The following FOXC1 variants were observed in gnomAD, a reference collection of about 807,000 sequenced individuals.
FOXC1 encodes forkhead box C1, also known as forkhead box protein C1.
Under a neutral mutation model 8.1 loss-of-function variants are expected in FOXC1, and 5 were observed. The observed-to-expected ratio is 0.62, with a 90% CI of 0.32 to 1.30. The LOEUF is 1.30. FOXC1 is among the 50% of genes most tolerant of loss of function. The probability of loss-of-function intolerance (pLI) is 0.05; values close to 1 mark genes in which losing one functional copy is unlikely to be tolerated. For missense variants in FOXC1, 942 were observed against 858.0 expected, an observed-to-expected ratio of 1.10 and a Z score of -1.22; for synonymous variants, 552 against 417.2, an observed-to-expected ratio of 1.32 and a Z score of -3.94.
At position 1,610,143 on chromosome 6, in the gene FOXC1, C is replaced by T. The variant is rs533266244; in HGVS notation, c.-303C>T. The T allele has an allele frequency of 8.0e-3, 1,208 of 151,818 alleles. 19 individuals are homozygous for T. The highest frequency in any genetic ancestry group is 0.028 in the African/African-American group (1,163 of 41,432). The allele number at this position is 151,818 out of a possible 1,614,324, so 9.4% of individuals were successfully genotyped here. ...TTCTTTCTTTTTGTCTGCTTTCCCCCGTTTGCGCCTGGAAGCTGCGCCGCG... is the reference window on the plus strand; with the variant it reads ...TTCTTTCTTTTTGTCTGCTTTCCCCTGTTTGCGCCTGGAAGCTGCGCCGCG... On this transcript the variant is annotated 5_prime_UTR_variant, in exon 1 of 1. Transcript: ENST00000645831.
rs1251729952 is a variant in FOXC1, at chr6:1,611,807, G to GGA, written c.1363_1364insAG (p.Gly455GlufsTer22). On this transcript the variant is annotated frameshift_variant, in exon 1 of 1. Coordinates refer to ENST00000645831, the MANE Select transcript of FOXC1 (RefSeq NM_001453.3). LOFTEE classifies it high-confidence loss of function. This position sits in a 1 kb window ranked among gnomAD's most constrained non-coding sequence, Gnocchi z 7.1. Reference sequence around the variant, plus strand: ...ACGGCGGCGGCGGCGGCGGCGGCGGGGGAGGCCAGGAGGCCGGCCACCACC... The same window carrying GGA: ...ACGGCGGCGGCGGCGGCGGCGGCGGGGAGGAGGCCAGGAGGCCGGCCACCACC... 2.3e-5 allele frequency: 31 copies of GGA among 1,367,014 alleles called. No individual in the cohort carries two copies. Among genetic ancestry groups the GGA allele is most frequent in the Non-Finnish European group, 2.9e-5 (30 of 1,036,982 alleles). The allele number at this position is 1,367,014 out of a possible 1,614,324, so 84.7% of individuals were successfully genotyped here. A position where few individuals can be genotyped will look rare whatever the true frequency, so the allele number is the denominator to read the frequency against.
At position 1,611,416 on chromosome 6, in the gene FOXC1, C is replaced by G; in HGVS notation, c.971C>G (p.Ala324Gly). The change falls in exon 1 of 1, where the codon GCG (alanine) becomes GGG (glycine). Residue 324 changes from alanine (A) to glycine (G), a missense_variant. Physicochemically the swap from Ala to Gly is moderately conservative, Grantham distance 60. Around this residue, in one of 4 missense-constraint regions of FOXC1, gnomAD observed 726 missense variants for 599.6 expected, o/e 1.21. Coordinates refer to ENST00000645831, the MANE Select transcript of FOXC1 (RefSeq NM_001453.3). The surrounding 1 kb of genome is among the most constrained non-coding windows in gnomAD (Gnocchi z 7.1). ...MTSLRGSPQSAAAELSSGLLA... is the reference protein window; with the variant it reads ...MTSLRGSPQSGAAELSSGLLA... ...TCGCTGCGGGGGTCGCCGCAGAGCG[C>G]GGCCGCGGAGCTCAGCTCCGGCCTT... 6.9e-7 allele frequency: 1 copy of G among 1,446,188 alleles called. No individual in the cohort carries two copies. The highest frequency in any genetic ancestry group is 9.1e-7 in the Non-Finnish European group (1 of 1,101,326). 89.6% of individuals were successfully genotyped at this position (1,446,188 alleles called of 1,614,324 possible).
In FOXC1 at chr6:1,611,403, T is replaced by C; in HGVS notation, c.958T>C (p.Ser320Pro). 6.9e-7 allele frequency: 1 copy of C among 1,448,202 alleles called. No homozygotes were observed. The highest frequency in any genetic ancestry group is 1.3e-5 in the South Asian group (1 of 76,618). 89.7% of individuals were successfully genotyped at this position (1,448,202 alleles called of 1,614,324 possible). A position where few individuals can be genotyped will look rare whatever the true frequency, so the allele number is the denominator to read the frequency against. ...CAACATCATGACGTCGCTGCGGGGG[T>C]CGCCGCAGAGCGCGGCCGCGGAGCT... is the stretch of plus-strand genomic sequence containing the variant. ...VDNIMTSLRG[S>P]PQSAAAELSS... is the part of the protein sequence containing the mutation. The change falls in exon 1 of 1, where the codon TCG (serine) becomes CCG (proline). Residue 320 changes from serine (S) to proline (P), a missense_variant. Coordinates refer to ENST00000645831, the MANE Select transcript of FOXC1 (RefSeq NM_001453.3). This position sits in a 1 kb window ranked among gnomAD's most constrained non-coding sequence, Gnocchi z 7.1.
Position 1,611,709 on chromosome 6 carries a change from T to G in FOXC1, c.1264T>G (p.Ser422Ala). Reference protein sequence around the residue: ...LQGAPGGAGGSAVDDPLPDYS... With the variant: ...LQGAPGGAGGAAVDDPLPDYS... ...GGGCGCGCCCGGGGGCGCGGGCGGC[T>G]CGGCCGTGGACGACCCCCTGCCCGA... The change falls in exon 1 of 1, where the codon TCG becomes GCG. Residue 422 changes from serine to alanine, a missense_variant. Around this residue, in one of 4 missense-constraint regions of FOXC1, gnomAD observed 726 missense variants for 599.6 expected, o/e 1.21. Coordinates refer to ENST00000645831, the MANE Select transcript of FOXC1 (RefSeq NM_001453.3). The surrounding 1 kb of genome is among the most constrained non-coding windows in gnomAD (Gnocchi z 7.1). 1 of 1,442,116 alleles carries G rather than the reference T, an allele frequency of 6.9e-7. No homozygotes were observed. Among genetic ancestry groups the G allele is most frequent in the South Asian group, 1.4e-5 (1 of 73,722 alleles). 89.3% of individuals were successfully genotyped at this position (1,442,116 alleles called of 1,614,324 possible). A position where few individuals can be genotyped will look rare whatever the true frequency, so the allele number is the denominator to read the frequency against.
Position 1,612,753 on chromosome 6 carries a change from A to G in FOXC1, c.*646A>G, listed in dbSNP as rs1762578236. The G allele has an allele frequency of 4.7e-6, 1 of 213,224 alleles. No individual in the cohort carries two copies. The highest frequency in any genetic ancestry group is 1.0e-5 in the Non-Finnish European group (1 of 96,346). The allele number at this position is 213,224 out of a possible 1,614,324, so 13.2% of individuals were successfully genotyped here. A position where few individuals can be genotyped will look rare whatever the true frequency, so the allele number is the denominator to read the frequency against. On this transcript the variant is annotated 3_prime_UTR_variant, in exon 1 of 1. Coordinates refer to ENST00000645831, the MANE Select transcript of FOXC1 (RefSeq NM_001453.3). ...AGGGAAACTGTATTAATCTTATTCT[A>G]TCCTCTTTTCTTTCTTTTTGTTGAA...
At position 1,611,615 on chromosome 6, in the gene FOXC1, C is replaced by T. The variant is rs908957809; in HGVS notation, c.1170C>T (p.Ala390=). The change falls in exon 1 of 1, where the codon GCC becomes GCT. Residue 390 remains alanine, a synonymous_variant. Transcript: ENST00000645831. The surrounding 1 kb of genome is among the most constrained non-coding windows in gnomAD (Gnocchi z 7.1). The stretch of plus-strand genomic sequence containing the variant: ...GGGCCGCGGGGGGCGCGGGCGGCGC[C>T]GGGACCTACCACTGCAACCTGCAAG... ...GAGAAGGAGG[A]GTYHCNLQAM... 4 of 1,227,748 alleles carry T rather than the reference C, an allele frequency of 3.3e-6. No individual in the cohort carries two copies. The highest frequency in any genetic ancestry group is 3.3e-5 in the African/African-American group (2 of 60,844). The allele number at this position is 1,227,748 out of a possible 1,614,324, so 76.1% of individuals were successfully genotyped here.
Position 1,610,988 on chromosome 6 carries a change from G to A in FOXC1, c.543G>A (p.Lys181=), listed in dbSNP as rs1402484394. Residue 181 remains lysine (K), a synonymous_variant, in exon 1 of 1, where the codon AAG becomes AAA. Coordinates refer to ENST00000645831, the MANE Select transcript of FOXC1 (RefSeq NM_001453.3). The part of the protein sequence containing the change: ...RRRFKKKDAV[K]DKEEKDRLHL... ...GCTTCAAGAAGAAGGACGCGGTGAAGGACAAGGAGGAGAAGGACAGGCTGC... is the reference window on the plus strand; with the variant it reads ...GCTTCAAGAAGAAGGACGCGGTGAAAGACAAGGAGGAGAAGGACAGGCTGC... The A allele has an allele frequency of 3.1e-6, 5 of 1,612,366 alleles. No individual in the cohort carries two copies. Among genetic ancestry groups the A allele is most frequent in the African/African-American group, 2.7e-5 (2 of 74,828 alleles).
rs1208816775 is a variant in FOXC1, at chr6:1,611,210, C to T, written c.765C>T (p.Pro255=). 6.9e-7 allele frequency: 1 copy of T among 1,459,206 alleles called. No homozygotes were observed. Among genetic ancestry groups the T allele is most frequent in the Non-Finnish European group, 9.0e-7 (1 of 1,106,058 alleles). 90.4% of individuals were successfully genotyped at this position (1,459,206 alleles called of 1,614,324 possible). The change falls in exon 1 of 1, where the codon CCC becomes CCT. Residue 255 remains proline, a synonymous_variant. Transcript: ENST00000645831. The surrounding 1 kb of genome is among the most constrained non-coding windows in gnomAD (Gnocchi z 7.1). ...GCAGCGGCAGCGCCGCCGCGGTGCC[C>T]AAGATCGAGAGCCCCGACAGCAGCA... ...ALGSGSAAAV[P]KIESPDSSSS...
rs1332189932 is a variant in FOXC1, at chr6:1,610,739, G to A, written c.294G>A (p.Lys98=). ...CCATCCAGAACGCCCCGGACAAGAA[G>A]ATCACCCTGAACGGCATCTACCAGT... ...TMAIQNAPDK[K]ITLNGIYQFI... Residue 98 remains lysine (K), a synonymous_variant, in exon 1 of 1, where the codon AAG becomes AAA. Transcript: ENST00000645831. 3.1e-6 allele frequency: 5 copies of A among 1,613,868 alleles called. No homozygotes were observed. Among genetic ancestry groups the A allele is most frequent in the Admixed American group, 1.7e-5 (1 of 60,004 alleles).
chr6:1,612,273 C>A lies in FOXC1; in HGVS notation c.*166C>A. Reference sequence around the variant, plus strand: ...TCCCTCCAAAAATTCAGCTCACCAGCACCAGCACGAAGAAAACTCTATTTT... The same window carrying A: ...TCCCTCCAAAAATTCAGCTCACCAGAACCAGCACGAAGAAAACTCTATTTT... On this transcript the variant is annotated 3_prime_UTR_variant, in exon 1 of 1. Coordinates refer to ENST00000645831, the MANE Select transcript of FOXC1 (RefSeq NM_001453.3). The A allele has an allele frequency of 1.9e-6, 2 of 1,027,344 alleles. No homozygotes were observed. Among genetic ancestry groups the A allele is most frequent in the Non-Finnish European group, 2.9e-6 (2 of 699,376 alleles). The allele number at this position is 1,027,344 out of a possible 1,614,324, so 63.6% of individuals were successfully genotyped here. A position where few individuals can be genotyped will look rare whatever the true frequency, so the allele number is the denominator to read the frequency against.
At position 1,610,940 on chromosome 6, in the gene FOXC1, C is replaced by T. The variant is rs1319939486; in HGVS notation, c.495C>T (p.Gly165=). 2 of 1,613,624 alleles carry T rather than the reference C, an allele frequency of 1.2e-6. No homozygotes were observed. Among genetic ancestry groups the T allele is most frequent in the South Asian group, 2.2e-5 (2 of 91,052 alleles). ...DPDSYNMFEN[G]SFLRRRRRFK... ...ACTCCTACAACATGTTCGAGAACGG[C>T]AGCTTCCTGCGGCGGCGGCGGCGCT... Residue 165 remains glycine (G), a synonymous_variant, in exon 1 of 1, where the codon GGC becomes GGT. Coordinates refer to ENST00000645831, the MANE Select transcript of FOXC1 (RefSeq NM_001453.3).
Position 1,610,604 on chromosome 6 carries a change from C to G in FOXC1, c.159C>G (p.Ala53=), listed in dbSNP as rs374448293. ...PMSVYSHPAH[A]EQYPGGMARA... ...GCGTGTACTCGCACCCTGCGCACGC[C>G]GAGCAGTACCCGGGCGGCATGGCCC... Residue 53 remains alanine (A), a synonymous_variant, in exon 1 of 1, where the codon GCC becomes GCG. Coordinates refer to ENST00000645831, the MANE Select transcript of FOXC1 (RefSeq NM_001453.3). 9 of 1,609,254 alleles carry G rather than the reference C, an allele frequency of 5.6e-6. No homozygotes were observed. In the African/African-American group the frequency reaches 6.7e-5, roughly 12 times the overall value.
chr6:1,611,173 C>A lies in FOXC1; in HGVS notation c.728C>A (p.Ala243Asp). 1.4e-6 allele frequency: 2 copies of A among 1,458,292 alleles called. No individual in the cohort carries two copies. Among genetic ancestry groups the A allele is most frequent in the East Asian group, 3.1e-5 (1 of 32,326 alleles). The allele number at this position is 1,458,292 out of a possible 1,614,324, so 90.3% of individuals were successfully genotyped here. The change falls in exon 1 of 1, where the codon GCC becomes GAC. Residue 243 changes from alanine (A) to aspartate (D), a missense_variant. Physicochemically the swap from Ala to Asp is moderately radical, Grantham distance 126. Coordinates refer to ENST00000645831, the MANE Select transcript of FOXC1 (RefSeq NM_001453.3). The surrounding 1 kb of genome is among the most constrained non-coding windows in gnomAD (Gnocchi z 7.1). ...CPSPPQPLSPAAALGSGSAAA... is the reference protein window; with the variant it reads ...CPSPPQPLSPDAALGSGSAAA... ...TCGCCGCCCCAGCCCCTGTCCCCGG[C>A]CGCCGCCCTGGGCAGCGGCAGCGCC...
chr6:1,611,033 G>C lies in FOXC1; in HGVS notation c.588G>C (p.Pro196=). 1 of 1,546,076 alleles carries C rather than the reference G, an allele frequency of 6.5e-7. No individual in the cohort carries two copies. Among genetic ancestry groups the C allele is most frequent in the African/African-American group, 1.4e-5 (1 of 72,436 alleles). The change falls in exon 1 of 1, where the codon CCG becomes CCC. Residue 196 remains proline, a synonymous_variant. Coordinates refer to ENST00000645831, the MANE Select transcript of FOXC1 (RefSeq NM_001453.3). The surrounding 1 kb of genome is among the most constrained non-coding windows in gnomAD (Gnocchi z 7.1). The stretch of plus-strand genomic sequence containing the variant: ...GGCTGCACCTCAAGGAGCCGCCCCC[G>C]CCCGGCCGCCAGCCCCCGCCCGCGC... ...KDRLHLKEPP[P]PGRQPPPAPP...
chr6:1,612,187 A>G lies in FOXC1; in HGVS notation c.*80A>G, dbSNP rs1762569402. ...CCCATCAAGGCAAAATCGAAACTAA[A>G]AAAAAAAAATCCAATTAAAAAAAAC... On this transcript the variant is annotated 3_prime_UTR_variant, in exon 1 of 1. Coordinates refer to ENST00000645831, the MANE Select transcript of FOXC1 (RefSeq NM_001453.3). 6.3e-7 allele frequency: 1 copy of G among 1,591,010 alleles called. No individual in the cohort carries two copies. Among genetic ancestry groups the G allele is most frequent in the Non-Finnish European group, 8.5e-7 (1 of 1,171,810 alleles).
At position 1,611,853 on chromosome 6, in the gene FOXC1, C is replaced by G. The variant is rs1371218326; in HGVS notation, c.1408C>G (p.Leu470Val). ...CCACCCTGCGGCCCACCAAGGCCGCCTCACCTCGTGGTACCTGAACCAGGC... is the reference window on the plus strand; with the variant it reads ...CCACCCTGCGGCCCACCAAGGCCGCGTCACCTCGTGGTACCTGAACCAGGC... ...GHHPAAHQGR[L>V]TSWYLNQAGG... The change falls in exon 1 of 1, where the codon CTC becomes GTC. Residue 470 changes from leucine to valine, a missense_variant. Coordinates refer to ENST00000645831, the MANE Select transcript of FOXC1 (RefSeq NM_001453.3). The surrounding 1 kb of genome is among the most constrained non-coding windows in gnomAD (Gnocchi z 7.1). 1 of 1,539,356 alleles carries G rather than the reference C, an allele frequency of 6.5e-7. No homozygotes were observed. The highest frequency in any genetic ancestry group is 8.8e-7 in the Non-Finnish European group (1 of 1,141,938).
chr6:1,611,675 C>A lies in FOXC1; in HGVS notation c.1230C>A (p.Gly410=). ...MSLYAAGERG[G]HLQGAPGGAG... ...TGTACGCGGCCGGCGAGCGCGGGGG[C>A]CACTTGCAGGGCGCGCCCGGGGGCG... The change falls in exon 1 of 1, where the codon GGC becomes GGA. Residue 410 remains glycine, a synonymous_variant. Coordinates refer to ENST00000645831, the MANE Select transcript of FOXC1 (RefSeq NM_001453.3). The surrounding 1 kb of genome is among the most constrained non-coding windows in gnomAD (Gnocchi z 7.1). 7.1e-7 allele frequency: 1 copy of A among 1,407,078 alleles called. No individual in the cohort carries two copies. The highest frequency in any genetic ancestry group is 9.2e-7 in the Non-Finnish European group (1 of 1,087,614). 87.2% of individuals were successfully genotyped at this position (1,407,078 alleles called of 1,614,324 possible). A position where few individuals can be genotyped will look rare whatever the true frequency, so the allele number is the denominator to read the frequency against.
chr6:1,613,551 A>G lies in FOXC1; in HGVS notation c.*1444A>G. On this transcript the variant is annotated 3_prime_UTR_variant, in exon 1 of 1. Transcript: ENST00000645831. Reference sequence around the variant, plus strand: ...CGAGAGGAGCAGAACATTTTGGTCTAGGGTGGTTTCTTTTTAAACCATTTT... The same window carrying G: ...CGAGAGGAGCAGAACATTTTGGTCTGGGGTGGTTTCTTTTTAAACCATTTT... The G allele has an allele frequency of 4.4e-6, 1 of 227,334 alleles. No homozygotes were observed. The allele number at this position is 227,334 out of a possible 1,614,324, so 14.1% of individuals were successfully genotyped here. A position where few individuals can be genotyped will look rare whatever the true frequency, so the allele number is the denominator to read the frequency against.
rs1762513672 is a variant in FOXC1 at position 1,610,404 on chromosome 6, T to TG, written c.-36dup. The TG allele has an allele frequency of 1.8e-6, 2 of 1,133,836 alleles. No homozygotes were observed. The highest frequency in any genetic ancestry group is 2.2e-6 in the Non-Finnish European group (2 of 918,388). The allele number at this position is 1,133,836 out of a possible 1,614,324, so 70.2% of individuals were successfully genotyped here. On this transcript the variant is annotated 5_prime_UTR_variant, in exon 1 of 1. Transcript: ENST00000645831. Reference sequence around the variant, plus strand: ...CGGCGCGGCCCGGCCCGAGCGAGGGTGGGGGGCGGCGGGCGGCGCGGGGCG... The same window carrying TG: ...CGGCGCGGCCCGGCCCGAGCGAGGGTGGGGGGGCGGCGGGCGGCGCGGGGCG...
Sources: gnomAD v4.1 joint callset for allele counts on GRCh38, gnomAD v4.1.1 for gene constraint, gnomAD v4.1.1 regional missense constraint, Gnocchi (gnomAD v3.1) non-coding constraint, MANE v1.5 for transcripts, NCBI Gene and HGNC (gene_info 2026-07-23, HGNC 2026-07-21) for gene names.